Variants in MED13L observed in about 807,000 individuals in gnomAD.
MED13L encodes the protein mediator complex subunit 13L.
In MED13L, 7 loss-of-function variants were observed where a neutral mutation model predicts 220.9. The observed-to-expected ratio is 0.03, with a 90% confidence interval of 0.02 to 0.06. The LOEUF (loss-of-function observed/expected upper bound fraction) is 0.06. MED13L is among the 10% of genes least tolerant of loss of function. The probability of loss-of-function intolerance (pLI) is 1.00; values close to 1 mark genes in which losing one functional copy is unlikely to be tolerated. For missense variants in MED13L, 1,965 were observed against 2,760.5 expected, an observed-to-expected ratio of 0.71 and a Z score of 6.46; for synonymous variants, 1,011 against 1,015.2, an observed-to-expected ratio of 1.00 and a Z score of 0.08.
intron 2 of MED13L, among the ~76,000 whole-genome samples, chr12:116,141,945 C>T (rs1273727285): frequency 6.6e-6 from 1 of 152,128 alleles, no homozygotes; most frequent in East Asian, 1.9e-4. Flanking sequence ...TTCCCCTTGC[C>T]CACACCACTT....
At position 116,009,347 on chromosome 12, in the gene MED13L, C is replaced by T. The variant is rs540572405; in HGVS notation, c.1281-215G>A. On this transcript the variant is annotated intron_variant, in intron 9 of 30. Coordinates refer to ENST00000281928, the MANE Select transcript of MED13L (RefSeq NM_015335.5). Reference sequence around the variant, plus strand: ...TTAAGCAGATAAGAAATGGGCACAGCAAAAGATGTAAGGTACATTGCTAAT... The same window carrying T: ...TTAAGCAGATAAGAAATGGGCACAGTAAAAGATGTAAGGTACATTGCTAAT... 5.3e-5 allele frequency among the ~76,000 whole-genome samples: 8 copies of T among 152,126 alleles called. 3 individuals are homozygous for T. Among genetic ancestry groups the T allele is most frequent in the African/African-American group, 1.9e-4 (8 of 41,510 alleles).
chr12:116,113,636 G>T (rs998449232), intron 2 of MED13L, among the ~76,000 whole-genome samples: 1 of 148,286 alleles, frequency 6.7e-6, no homozygotes, highest in Non-Finnish European at 1.5e-5. Flanking sequence ...TCCAGCCTGC[G>T]TGACAGAGTG....
chr12:115,961,124 C>A lies in MED13L; in HGVS notation c.*142G>T. The A allele has an allele frequency of 9.1e-7, 1 of 1,094,798 alleles. No individual in the cohort carries two copies. The highest frequency in any genetic ancestry group is 1.3e-5 in the South Asian group (1 of 75,300). 67.8% of individuals were successfully genotyped at this position (1,094,798 alleles called of 1,614,324 possible). ...TGAACACTGCAGAATTGACATGTGC[C>A]TGCTGAGAAGGAATCACAGTGCAGG... On this transcript the variant is annotated 3_prime_UTR_variant, in exon 31 of 31. Transcript: ENST00000281928.
At chr12:116,113,822 GGAGAGGGGAGGGAGGGGGGAAGAGA>G (rs1874297917) in intron 2 of MED13L, among the ~76,000 whole-genome samples, 1 of 61,236 alleles carries the variant, frequency 1.6e-5, no homozygotes, top group Non-Finnish European at 3.2e-5. Flanking sequence ...GGGGGAAGAG[GGAGAGGGGAGGGAGGGGGGAAGAGA>G]GAGAGGAGAG....
intron 4 of MED13L, among the ~76,000 whole-genome samples, chr12:116,075,897 T>C (rs544111290): frequency 2.1e-4 from 32 of 151,626 alleles, no homozygotes; most frequent in Non-Finnish European, 3.5e-4. Context: ...ACAGGAGCCA[T>C]TGGAGCCAGA....
At chr12:116,083,987 T>C (rs1156890105) in intron 4 of MED13L, among the ~76,000 whole-genome samples, 1 of 152,184 alleles carries the variant, frequency 6.6e-6, no homozygotes, top group Non-Finnish European at 1.5e-5. Context: ...CTGAAACATG[T>C]AATGCTTGAA....
At chr12:116,029,544 T>TA (rs1365121701) in intron 4 of MED13L, among the ~76,000 whole-genome samples, 1 of 151,798 alleles carries the variant, frequency 6.6e-6, no homozygotes, top group African/African-American at 2.4e-5. Context: ...CACCAAAAGT[T>TA]AAAAAAATGT....
intron 4 of MED13L, among the ~76,000 whole-genome samples, chr12:116,033,729 T>C (rs1880996876): frequency 1.3e-5 from 2 of 151,838 alleles, no homozygotes; most frequent in African/African-American, 4.8e-5. Context: ...TTTTTGGTTC[T>C]CTAAAGTATG....
intron 4 of MED13L, among the ~76,000 whole-genome samples, chr12:116,035,707 A>T (rs1023232829): frequency 1.3e-5 from 2 of 151,508 alleles, no homozygotes; most frequent in African/African-American, 2.4e-5. Context: ...TCTCCCACCT[A>T]CGCCTCCCGA....
At chr12:116,037,863 G>A (rs749591940) in intron 4 of MED13L, among the ~76,000 whole-genome samples, 5 of 152,082 alleles carry the variant, frequency 3.3e-5, no homozygotes, top group South Asian at 2.1e-4. Flanking sequence ...GTCCCACTCC[G>A]GTAGTAAAAA....
At chr12:116,254,455 A>T (rs1159825987) in intron 1 of MED13L, among the ~76,000 whole-genome samples, 2 of 152,038 alleles carry the variant, frequency 1.3e-5, no homozygotes, top group Admixed American at 6.5e-5. Context: ...ATGTCAAAAA[A>T]TACTCTCAAA....
intron 8 of MED13L, among the ~76,000 whole-genome samples, chr12:116,013,700 A>G (rs1188628473): frequency 6.6e-6 from 1 of 152,256 alleles, no homozygotes; most frequent in African/African-American, 2.4e-5. Flanking sequence ...ATTGGTAGCG[A>G]AAAGCAGATC....
chr12:116,031,110 G>A (rs941296132), intron 4 of MED13L, among the ~76,000 whole-genome samples: 2 of 152,210 alleles, frequency 1.3e-5, no homozygotes, highest in Admixed American at 1.3e-4. Flanking sequence ...GGGAACTCTA[G>A]GAATCAAAAG....
chr12:116,116,014 T>C (rs979150571), intron 2 of MED13L, among the ~76,000 whole-genome samples: 4 of 152,222 alleles, frequency 2.6e-5, no homozygotes, highest in Non-Finnish European at 5.9e-5. Context: ...CGTTGTAATA[T>C]GACAATATCC....
chr12:116,204,001 G>A (rs376959435), intron 2 of MED13L, among the ~76,000 whole-genome samples: 32 of 152,242 alleles, frequency 2.1e-4, no homozygotes, highest in Non-Finnish European at 3.2e-4. Context: ...ATTACATGTC[G>A]TAATGGTATC....
At chr12:116,233,536 T>C (rs1162232207) in intron 2 of MED13L, among the ~76,000 whole-genome samples, 1 of 152,194 alleles carries the variant, frequency 6.6e-6, no homozygotes, top group Non-Finnish European at 1.5e-5. Context: ...GGGGAGACTA[T>C]TTCACTCCTA....
intron 9 of MED13L, 129 bp downstream of exon 9, chr12:116,012,668 A>G: frequency 1.3e-6 from 1 of 781,176 alleles, no homozygotes. Flanking sequence ...TAAGAAAAAA[A>G]CTAATCTTTT....
At chr12:116,051,182 C>T (rs1410575149) in intron 4 of MED13L, among the ~76,000 whole-genome samples, 1 of 151,658 alleles carries the variant, frequency 6.6e-6, no homozygotes, top group African/African-American at 2.4e-5. Flanking sequence ...TATTATATAG[C>T]ATTTTAATAA....
intron 2 of MED13L, among the ~76,000 whole-genome samples, chr12:116,153,723 T>A (rs539384232): frequency 1.3e-5 from 2 of 152,284 alleles, no homozygotes; most frequent in South Asian, 4.1e-4. Flanking sequence ...CATTCCCCCT[T>A]ACTGCAGGAA....
Sources: gnomAD v4.1 joint callset for allele counts (sites outside exome capture counted in the v4.1 genomes callset) on GRCh38, gnomAD v4.1.1 for gene constraint, MANE v1.5 for transcripts, NCBI Gene and HGNC (gene_info 2026-07-23, HGNC 2026-07-21) for gene names.